DIAPH1: variants seen among roughly 807,000 people sequenced by gnomAD.
DIAPH1 encodes protein diaphanous homolog 1.
Under a neutral mutation model 140.7 loss-of-function variants are expected in DIAPH1, and 46 were observed. The ratio of observed to expected loss-of-function variants is 0.33; its 90% CI spans 0.26 to 0.42. The LOEUF is 0.42. Among genes scored for constraint, DIAPH1 ranks in the 10% least tolerant of loss-of-function variants. The pLI is 1.00. For missense variants in DIAPH1, 1,310 were observed against 1,558.7 expected (o/e 0.84, Z 2.69); for synonymous variants, 565 against 551.6 (o/e 1.02, Z -0.34).
At chr5:141,611,828 A>G (rs1206707885) in intron 1 of DIAPH1, among the ~76,000 whole-genome samples, 1 of 152,204 alleles carries the variant, frequency 6.6e-6, no homozygotes, top group East Asian at 1.9e-4. Context: ...GCACTTTGGG[A>G]GGCCCAGGCA....
Position 141,537,445 on chromosome 5 carries a change from T to C in DIAPH1, c.2483-3012A>G, listed in dbSNP as rs193026528. Among the ~76,000 whole-genome samples, 547 of 130,766 alleles carry C rather than the reference T, an allele frequency of 4.2e-3. 4 individuals are homozygous for C. Among genetic ancestry groups the C allele is most frequent in the Admixed American group, 0.014 (153 of 10,694 alleles). 85.8% of individuals were successfully genotyped at this position (130,766 alleles called of 152,430 possible). A position where few individuals can be genotyped will look rare whatever the true frequency, so the allele number is the denominator to read the frequency against. On this transcript the variant is annotated intron_variant, in intron 18 of 27. Transcript: ENST00000389054. Reference sequence around the variant, plus strand: ...TTGTGGTGAGCTGAGATCGCGCCATTGCACTGCAGCCTGGGCAAAAAGAGC... The same window carrying C: ...TTGTGGTGAGCTGAGATCGCGCCATCGCACTGCAGCCTGGGCAAAAAGAGC...
chr5:141,606,615 GAAC>G (rs2099901005), intron 1 of DIAPH1, among the ~76,000 whole-genome samples: 1 of 152,048 alleles, frequency 6.6e-6, no homozygotes, highest in Non-Finnish European at 1.5e-5. Flanking sequence ...GGCTGGTCTT[GAAC>G]TCCTGGCCTC....
At chr5:141,545,624 C>T (rs1377906771) in intron 18 of DIAPH1, among the ~76,000 whole-genome samples, 1 of 152,072 alleles carries the variant, frequency 6.6e-6, no homozygotes, top group South Asian at 2.1e-4. Flanking sequence ...GCCTGGGCAA[C>T]AGAATGAGAC....
At chr5:141,544,523 T>G (rs1476739473) in intron 18 of DIAPH1, among the ~76,000 whole-genome samples, 1 of 152,068 alleles carries the variant, frequency 6.6e-6, no homozygotes, top group African/African-American at 2.4e-5. Flanking sequence ...GACTAGATCA[T>G]AAGAAAACAA....
Position 141,573,667 on chromosome 5 carries a change from G to A in DIAPH1, c.2183C>T (p.Pro728Leu), listed in dbSNP as rs2154596280. 6.2e-7 allele frequency: 1 copy of A among 1,611,482 alleles called. No individual in the cohort carries two copies. Among genetic ancestry groups the A allele is most frequent in the Non-Finnish European group, 8.5e-7 (1 of 1,178,364 alleles). The change falls in exon 16 of 28, where the codon CCA (proline) becomes CTA (leucine). Residue 728 changes from proline to leucine, a missense_variant. Physicochemically the swap from Pro to Leu is moderately conservative, Grantham distance 98. Transcript: ENST00000389054. ...PPLPGGPGIP[P>L]PPPFPGGPGI... ...AGGGCCTCCGGGAAATGGAGGAGGT[G>A]GAGGGATTCCAGGACCACCAGGAAG...
chr5:141,608,661 C>G (rs1267412798), intron 1 of DIAPH1, among the ~76,000 whole-genome samples: 1 of 152,198 alleles, frequency 6.6e-6, no homozygotes, highest in African/African-American at 2.4e-5. Context: ...AGAAACAAAT[C>G]CCAGTTCCAG....
At chr5:141,574,298 C>T in intron 15 of DIAPH1, 90 bp from the exon 16 acceptor site, 1 of 1,301,942 alleles carries the variant, frequency 7.7e-7, no homozygotes, top group Non-Finnish European at 1.1e-6. Flanking sequence ...TTAATCCAAA[C>T]TTCTCATGTT....
At chr5:141,574,313 A>G (rs1228804971) in intron 15 of DIAPH1, 105 bp from the exon 16 acceptor site, 1 of 1,168,578 alleles carries the variant, frequency 8.6e-7, no homozygotes, top group African/African-American at 1.5e-5. Flanking sequence ...CATGTTACAA[A>G]TGGAGGAACT....
At chr5:141,590,883 C>T (rs1394875406) in intron 1 of DIAPH1, among the ~76,000 whole-genome samples, 2 of 152,116 alleles carry the variant, frequency 1.3e-5, no homozygotes, top group Non-Finnish European at 2.9e-5. Context: ...ACTCCAACAG[C>T]CTCCTAACTG....
intron 18 of DIAPH1, among the ~76,000 whole-genome samples, chr5:141,552,841 G>A (rs989072709): frequency 2.0e-4 from 31 of 152,276 alleles, no homozygotes; most frequent in African/African-American, 6.3e-4. Context: ...AAGAGAAGGC[G>A]AGAGGCCTCA....
At chr5:141,524,511 G>C in intron 26 of DIAPH1, 1 of 474,454 alleles carries the variant, frequency 2.1e-6, no homozygotes. Context: ...ATCAGGACTA[G>C]CAACAAAATT....
chr5:141,518,775 G>A (rs367845526), intron 27 of DIAPH1: 1 of 678,768 alleles, frequency 1.5e-6, no homozygotes, highest in South Asian at 1.8e-5. Context: ...CTCCCACCTT[G>A]GAACCTAAAG....
intron 27 of DIAPH1, among the ~76,000 whole-genome samples, chr5:141,517,461 G>A (rs985209098): frequency 6.6e-6 from 1 of 152,182 alleles, no homozygotes; most frequent in African/African-American, 2.4e-5. Flanking sequence ...TCAGCCCTGG[G>A]AGGGTTGTCC....
intron 12 of DIAPH1, 32 bp from the exon 13 acceptor site, chr5:141,576,903 G>A (rs759673908): frequency 3.9e-6 from 5 of 1,291,414 alleles, no homozygotes; most frequent in East Asian, 2.3e-5. Flanking sequence ...GTCATCAAAG[G>A]AAAATCAAAA....
chr5:141,610,715 G>A (rs1383443434), intron 1 of DIAPH1, among the ~76,000 whole-genome samples: 2 of 152,050 alleles, frequency 1.3e-5, no homozygotes, highest in Non-Finnish European at 2.9e-5. Flanking sequence ...CTCCGAGAGT[G>A]CTGGGATTAC....
chr5:141,618,605 G>T (rs1293261508), intron 1 of DIAPH1, 193 bp downstream of exon 1: 1 of 490,154 alleles, frequency 2.0e-6, no homozygotes, highest in Admixed American at 4.1e-5. Flanking sequence ...GGCAAGAGCC[G>T]GGTGGGATTC....
At chr5:141,580,921 C>G (rs768502136) in intron 7 of DIAPH1, 38 bp from the exon 8 acceptor site, 1 of 1,613,936 alleles carries the variant, frequency 6.2e-7, no homozygotes, top group African/African-American at 1.3e-5. Context: ...GGCTGAAAGA[C>G]GAAAGCATCT....
In DIAPH1 at chr5:141,573,494, T is replaced by C; in HGVS notation, c.2356A>G (p.Lys786Glu). 1.9e-6 allele frequency: 3 copies of C among 1,609,158 alleles called. No individual in the cohort carries two copies. The highest frequency in any genetic ancestry group is 2.5e-6 in the Non-Finnish European group (3 of 1,177,682). Reference sequence around the variant, plus strand: ...AAGAAATAGACAGAAACTCTTACCTTGGACCAGTTTGGCCTCCGGAGCTGC... The same window carrying C: ...AAGAAATAGACAGAAACTCTTACCTCGGACCAGTTTGGCCTCCGGAGCTGC... ...EVQLRRPNWS[K>E]LVAEDLSQDC... Residue 786 changes from lysine (K) to glutamate (E), a missense_variant and splice_region_variant, in exon 16 of 28, where the codon AAG becomes GAG. By Grantham distance (56) the Lys-to-Glu change is moderately conservative (BLOSUM62 1). Transcript: ENST00000389054.
At chr5:141,558,656 T>C (rs1486624500) in intron 18 of DIAPH1, among the ~76,000 whole-genome samples, 3 of 152,182 alleles carry the variant, frequency 2.0e-5, no homozygotes, top group Admixed American at 6.5e-5. Flanking sequence ...GCAGCATTTG[T>C]ACCTATTCTA....
Sources: gnomAD v4.1 joint callset for allele counts (sites outside exome capture counted in the v4.1 genomes callset) on GRCh38, gnomAD v4.1.1 for gene constraint, MANE v1.5 for transcripts, NCBI Gene and HGNC (gene_info 2026-07-23, HGNC 2026-07-21) for gene names.